The following FRYL variants were observed in gnomAD, a reference collection of about 807,000 sequenced individuals.
FRYL encodes the protein protein furry homolog-like.
In FRYL, 150 loss-of-function variants were observed where a neutral mutation model predicts 351.2. The observed-to-expected ratio is 0.43, with a 90% CI of 0.37 to 0.49. FRYL has a LOEUF of 0.49. Among genes scored for constraint, FRYL ranks in the 20% least tolerant of loss-of-function variants. The probability of loss-of-function intolerance (pLI) is 0.00; values close to 1 mark genes in which losing one functional copy is unlikely to be tolerated. For missense variants in FRYL, 3,036 were observed against 3,619.3 expected (o/e 0.84, Z 4.13); for synonymous variants, 1,153 against 1,257.1 (o/e 0.92, Z 1.75).
At chr4:48,597,642 A>G (rs2149236197) in intron 13 of FRYL, among the ~76,000 whole-genome samples, 1 of 152,326 alleles carries the variant, frequency 6.6e-6, no homozygotes, top group African/African-American at 2.4e-5. Context: ...ACACTTTCAT[A>G]TTGTTAAATT....
intron 1 of FRYL, among the ~76,000 whole-genome samples, chr4:48,762,916 G>A (rs115514353): frequency 0.018 from 2,763 of 152,066 alleles, 82 homozygotes; most frequent in African/African-American, 0.063. Flanking sequence ...CTCTGGCTAT[G>A]TGACTTCTGG....
rs145580954 is a variant in FRYL at position 48,775,671 on chromosome 4, C to T, written c.-384+4407G>A. Among the ~76,000 whole-genome samples, 5 of 152,198 alleles carry T rather than the reference C, an allele frequency of 3.3e-5. No homozygotes were observed. The East Asian group carries it at 9.7e-4, about 29-fold the overall frequency. On this transcript the variant is annotated intron_variant, in intron 1 of 63. Coordinates refer to ENST00000358350, the MANE Select transcript of FRYL (RefSeq NM_015030.2). ...TCCTTGGGCTACTATGAGGAGTGCC[C>T]GCTGGGAGTCTCAAAGCAATTTTTA...
At chr4:48,631,276 G>A (rs1167340197) in intron 4 of FRYL, among the ~76,000 whole-genome samples, 5 of 152,016 alleles carry the variant, frequency 3.3e-5, no homozygotes, top group African/African-American at 1.2e-4. Context: ...AAACATCTAC[G>A]TTCTGATGAA....
chr4:48,655,268 A>C (rs1189672310), intron 3 of FRYL, among the ~76,000 whole-genome samples: 1 of 152,154 alleles, frequency 6.6e-6, no homozygotes, highest in Non-Finnish European at 1.5e-5. Context: ...AGTAAATTCA[A>C]ATCAGGAAGG....
chr4:48,509,903 T>C (rs1234855086), intron 59 of FRYL, among the ~76,000 whole-genome samples, 156 bp downstream of exon 59: 1 of 152,206 alleles, frequency 6.6e-6, no homozygotes, highest in South Asian at 2.1e-4. Flanking sequence ...GGTAGGAATT[T>C]GCTGGATAGA....
At chr4:48,678,770 G>T (rs1764182447) in intron 3 of FRYL, among the ~76,000 whole-genome samples, 1 of 151,882 alleles carries the variant, frequency 6.6e-6, no homozygotes, top group South Asian at 2.1e-4. Context: ...ACATACATCA[G>T]ATTATTTGCT....
At chr4:48,597,577 TA>T (rs1159353967) in intron 13 of FRYL, among the ~76,000 whole-genome samples, 2 of 151,918 alleles carry the variant, frequency 1.3e-5, no homozygotes, top group East Asian at 1.9e-4. Flanking sequence ...AAAACTGCTC[TA>T]AAAAAAATAA....
chr4:48,621,215 G>C (rs532096903), intron 5 of FRYL, among the ~76,000 whole-genome samples: 16 of 152,318 alleles, frequency 1.1e-4, no homozygotes, highest in Non-Finnish European at 2.2e-4. Flanking sequence ...ACTACATTAT[G>C]TAAGAACTGT....
intron 9 of FRYL, among the ~76,000 whole-genome samples, chr4:48,607,325 G>A (rs976295546): frequency 6.6e-6 from 1 of 151,926 alleles, no homozygotes; most frequent in Admixed American, 6.6e-5. Flanking sequence ...GCTTTCCAGT[G>A]GTCACTGACT....
At chr4:48,746,954 C>A (rs1772747145) in intron 1 of FRYL, among the ~76,000 whole-genome samples, 1 of 152,186 alleles carries the variant, frequency 6.6e-6, no homozygotes. Flanking sequence ...AGGCAACTCT[C>A]ACATTTGTGA....
At chr4:48,584,728 G>A (rs1403052854) in intron 19 of FRYL, among the ~76,000 whole-genome samples, 1 of 152,194 alleles carries the variant, frequency 6.6e-6, no homozygotes, top group Non-Finnish European at 1.5e-5. Context: ...ATAAAGCTTG[G>A]TTAATTAAAG....
At chr4:48,574,001 A>T (rs762912672) in intron 25 of FRYL, among the ~76,000 whole-genome samples, 3 of 152,180 alleles carry the variant, frequency 2.0e-5, no homozygotes, top group Non-Finnish European at 2.9e-5. Flanking sequence ...CTTACTAAAA[A>T]TATTGCCTCT....
At chr4:48,645,235 G>A (rs1165724846) in intron 3 of FRYL, among the ~76,000 whole-genome samples, 2 of 149,664 alleles carry the variant, frequency 1.3e-5, no homozygotes, top group African/African-American at 2.4e-5. Context: ...TTAACACAGC[G>A]CTGATAAAAA....
At chr4:48,655,872 CACAT>C (rs1423297209) in intron 3 of FRYL, among the ~76,000 whole-genome samples, 1 of 139,916 alleles carries the variant, frequency 7.1e-6, no homozygotes, top group Non-Finnish European at 1.5e-5. Flanking sequence ...TACATATATA[CACAT>C]ACATGTATAT....
At position 48,619,269 on chromosome 4, in the gene FRYL, C is replaced by T; in HGVS notation, c.411+5G>A. The T allele has an allele frequency of 6.3e-7, 1 of 1,580,570 alleles. No homozygotes were observed. Among genetic ancestry groups the T allele is most frequent in the Non-Finnish European group, 8.7e-7 (1 of 1,151,210 alleles). On this transcript the variant is annotated splice_donor_5th_base_variant and intron_variant, in intron 7 of 63. Transcript: ENST00000358350. ...TACAGACTTTGCAGAAATAAAAGAG[C>T]TTACCTGCTTTAGAACTTCAACTAA...
intron 7 of FRYL, chr4:48,617,472 C>T (rs1749742827): frequency 6.6e-6 from 1 of 152,016 alleles, no homozygotes. Flanking sequence ...CCTCAGCCTC[C>T]AGAGTAGCTA....
intron 40 of FRYL, among the ~76,000 whole-genome samples, chr4:48,548,463 C>A (rs1214326220): frequency 6.6e-6 from 1 of 151,852 alleles, no homozygotes; most frequent in Non-Finnish European, 1.5e-5. Flanking sequence ...GCAGGCGAGG[C>A]CATAAGATAG....
At chr4:48,507,905 G>A (rs1279372384) in intron 59 of FRYL, among the ~76,000 whole-genome samples, 1 of 152,154 alleles carries the variant, frequency 6.6e-6, no homozygotes, top group Non-Finnish European at 1.5e-5. Context: ...GAGAAGGTCG[G>A]CAGAGACCGC....
chr4:48,661,270 C>T (rs1214708805), intron 3 of FRYL, among the ~76,000 whole-genome samples: 1 of 152,220 alleles, frequency 6.6e-6, no homozygotes, highest in Non-Finnish European at 1.5e-5. Flanking sequence ...TGGGCTTATT[C>T]TCCTACCATA....
Sources: allele counts gnomAD v4.1 joint callset (sites outside exome capture counted in the v4.1 genomes callset), GRCh38; gene constraint gnomAD v4.1.1; transcripts MANE v1.5; gene names NCBI Gene and HGNC (gene_info 2026-07-23, HGNC 2026-07-21).